Variants in DLG2 observed in about 807,000 individuals in gnomAD.
DLG2 encodes the protein discs large MAGUK scaffold protein 2.
DLG2 carries 45 observed loss-of-function variants against 132.5 expected under a neutral mutation model. That is an observed-to-expected ratio of 0.34 (90% CI 0.27 to 0.44). The LOEUF is 0.44. Among genes scored for constraint, DLG2 ranks in the 20% least tolerant of loss-of-function variants. The pLI, the probability that DLG2 is intolerant of heterozygous loss-of-function variation, is 1.00. For synonymous variants in DLG2, 424 were observed against 419.6 expected, an observed-to-expected ratio of 1.01 and a Z score of -0.13; for missense variants, 1,045 against 1,196.9, an observed-to-expected ratio of 0.87 and a Z score of 1.87.
At chr11:83,913,605 G>A (rs1565614951) in intron 15 of DLG2, among the ~76,000 whole-genome samples, 1 of 152,050 alleles carries the variant, frequency 6.6e-6, no homozygotes, top group Non-Finnish European at 1.5e-5. Context: ...GGGGTTTCTG[G>A]TGGCACCACC....
intron 3 of DLG2, among the ~76,000 whole-genome samples, chr11:85,494,093 C>A (rs575554823): frequency 6.6e-6 from 1 of 152,164 alleles, no homozygotes; most frequent in African/African-American, 2.4e-5. Context: ...GGATACTAAT[C>A]CCACTTGTGA....
At chr11:85,120,634 A>G (rs2074188107) in intron 5 of DLG2, among the ~76,000 whole-genome samples, 2 of 152,044 alleles carry the variant, frequency 1.3e-5, no homozygotes, top group Non-Finnish European at 1.5e-5. Flanking sequence ...GACAGCATCA[A>G]AGGTTATATT....
intron 7 of DLG2, among the ~76,000 whole-genome samples, chr11:84,324,768 TC>T (rs2098422288): frequency 2.6e-5 from 4 of 152,178 alleles, no homozygotes; most frequent in African/African-American, 9.7e-5. Context: ...AATATTTTAT[TC>T]TTTTTGATAG....
chr11:85,406,948 C>T (rs2088808831), intron 3 of DLG2, among the ~76,000 whole-genome samples: 1 of 151,796 alleles, frequency 6.6e-6, no homozygotes. Flanking sequence ...ACTCAATAAG[C>T]AGATAACGTT....
chr11:84,734,807 A>G (rs922097811), intron 6 of DLG2, among the ~76,000 whole-genome samples: 2 of 152,058 alleles, frequency 1.3e-5, no homozygotes, highest in Non-Finnish European at 2.9e-5. Context: ...TTTGAGATAC[A>G]TCCCATCAAT....
intron 7 of DLG2, among the ~76,000 whole-genome samples, chr11:84,507,688 C>G (rs2099245459): frequency 6.6e-6 from 1 of 152,176 alleles, no homozygotes; most frequent in Non-Finnish European, 1.5e-5. Context: ...CGAAGGGATG[C>G]TGGATTTTAT....
At chr11:85,326,354 G>T (rs2081456480) in intron 3 of DLG2, among the ~76,000 whole-genome samples, 1 of 140,296 alleles carries the variant, frequency 7.1e-6, no homozygotes, top group South Asian at 2.5e-4. Context: ...AGGAAGAAAT[G>T]TTAAGGGCAG....
chr11:83,625,571 G>T (rs1475886173), intron 19 of DLG2, among the ~76,000 whole-genome samples: 1 of 152,190 alleles, frequency 6.6e-6, no homozygotes, highest in African/African-American at 2.4e-5. Context: ...AGGATGGAAT[G>T]TGTTTTCTTG....
At chr11:84,393,301 A>G (rs2098799387) in intron 7 of DLG2, among the ~76,000 whole-genome samples, 1 of 152,154 alleles carries the variant, frequency 6.6e-6, no homozygotes, top group Admixed American at 6.5e-5. Flanking sequence ...CATTCTTATT[A>G]GAAGATATAT....
At chr11:84,820,777 C>A (rs563864525) in intron 6 of DLG2, among the ~76,000 whole-genome samples, 3 of 150,278 alleles carry the variant, frequency 2.0e-5, no homozygotes, top group African/African-American at 7.3e-5. Flanking sequence ...AGGAATTATT[C>A]TTTTCCTTAT....
chr11:84,652,932 GTTTTT>G (rs539310938), intron 6 of DLG2, among the ~76,000 whole-genome samples: 1 of 136,138 alleles, frequency 7.3e-6, no homozygotes, highest in East Asian at 2.2e-4. Flanking sequence ...AATATTGGAG[GTTTTT>G]TTTTTTTTTT....
intron 7 of DLG2, among the ~76,000 whole-genome samples, chr11:84,522,166 T>C (rs148509517): frequency 0.051 from 7,457 of 146,990 alleles, 213 homozygotes; most frequent in South Asian, 0.079. Flanking sequence ...AGACTCTGTC[T>C]CAAAAACGAA....
rs398016925 is a variant in DLG2, at chr11:83,819,469, C to CAAAAAAAA, written c.1722+14137_1722+14144dup. On this transcript the variant is annotated intron_variant, in intron 17 of 27. Coordinates refer to ENST00000376104, the MANE Select transcript of DLG2 (RefSeq NM_001142699.3). ...TGGGAGACAGAGCAAGACTCTATCT[C>CAAAAAAAA]AAAAAAAAAAAAAAAAAAAAAAAGA... is the stretch of plus-strand genomic sequence containing the variant. 6.8e-4 allele frequency among the ~76,000 whole-genome samples: 19 copies of CAAAAAAAA among 28,042 alleles called. 1 individual carries two copies. Among genetic ancestry groups the CAAAAAAAA allele is most frequent in the Admixed American group, 1.4e-3 (3 of 2,166 alleles). 18.4% of individuals were successfully genotyped at this position (28,042 alleles called of 152,430 possible).
At chr11:83,842,019 A>G (rs2154019368) in intron 16 of DLG2, among the ~76,000 whole-genome samples, 1 of 152,322 alleles carries the variant, frequency 6.6e-6, no homozygotes, top group South Asian at 2.1e-4. Flanking sequence ...TTCTTTTACC[A>G]TCATCACTTA....
chr11:83,992,086 A>G (rs1053467684), intron 11 of DLG2, among the ~76,000 whole-genome samples: 7 of 152,190 alleles, frequency 4.6e-5, no homozygotes, highest in African/African-American at 1.7e-4. Flanking sequence ...GCTAGGGAAG[A>G]AGCGTGGAAC....
intron 7 of DLG2, among the ~76,000 whole-genome samples, chr11:84,416,265 G>C (rs533842453): frequency 6.6e-6 from 1 of 152,146 alleles, no homozygotes; most frequent in Non-Finnish European, 1.5e-5. Context: ...AACATTCAAT[G>C]CTTCTTAAGA....
intron 14 of DLG2, among the ~76,000 whole-genome samples, chr11:83,938,656 T>C (rs2082013964): frequency 1.3e-5 from 2 of 152,166 alleles, no homozygotes. Context: ...ATTCCACAAA[T>C]ATTTACCAAA....
At chr11:84,000,005 C>G (rs926741799) in intron 11 of DLG2, among the ~76,000 whole-genome samples, 1 of 150,130 alleles carries the variant, frequency 6.7e-6, no homozygotes, top group African/African-American at 2.4e-5. Flanking sequence ...CAATAATTCT[C>G]TAGTAACAGA....
At chr11:84,333,611 A>T (rs1017723106) in intron 7 of DLG2, among the ~76,000 whole-genome samples, 2 of 152,224 alleles carry the variant, frequency 1.3e-5, no homozygotes, top group African/African-American at 4.8e-5. Context: ...CAAGCTCCTT[A>T]ACTGCGAATG....
Sources: gnomAD v4.1 joint callset for allele counts (sites outside exome capture counted in the v4.1 genomes callset) on GRCh38, gnomAD v4.1.1 for gene constraint, MANE v1.5 for transcripts, NCBI Gene and HGNC (gene_info 2026-07-23, HGNC 2026-07-21) for gene names.